The following RAB38 variants were observed in gnomAD, a reference collection of about 807,000 sequenced individuals.
RAB38 encodes the protein ras-related protein Rab-38.
Under a neutral mutation model 18.4 loss-of-function variants are expected in RAB38, and 15 were observed. The ratio of observed to expected loss-of-function variants is 0.82; its 90% CI spans 0.55 to 1.26. RAB38 has a LOEUF of 1.26. Among genes scored for constraint, RAB38 ranks in the 50% most tolerant of loss-of-function variants. The pLI is 0.00. For missense variants in RAB38, 294 were observed against 267.4 expected (o/e 1.10, Z -0.69); for synonymous variants, 101 against 104.4 (o/e 0.97, Z 0.20).
At chr11:87,849,158 C>T in the RAB38 span, among the ~76,000 whole-genome samples, 1 of 152,092 alleles carries the variant, frequency 6.6e-6, no homozygotes, top group East Asian at 1.9e-4. Context: ...GAAGTTGGTA[C>T]ATTGGTACAA....
At chr11:87,865,378 C>T in the RAB38 span, among the ~76,000 whole-genome samples, 11 of 151,592 alleles carry the variant, frequency 7.3e-5, no homozygotes, top group African/African-American at 2.2e-4. Context: ...AGGAAATAAA[C>T]AAAGGTCATA....
At chr11:88,023,377 A>G in the RAB38 span, among the ~76,000 whole-genome samples, 1 of 151,644 alleles carries the variant, frequency 6.6e-6, no homozygotes, top group Non-Finnish European at 1.5e-5. Flanking sequence ...AAAAACCTAC[A>G]AAACACTGAT....
At chr11:87,971,543 C>T in the RAB38 span, among the ~76,000 whole-genome samples, 2 of 152,050 alleles carry the variant, frequency 1.3e-5, no homozygotes, top group Non-Finnish European at 2.9e-5. Flanking sequence ...TCTCTCCTTG[C>T]CACTCCCACT....
chr11:88,052,909 T>TC, the RAB38 span, among the ~76,000 whole-genome samples: 1 of 17,362 alleles, frequency 5.8e-5, no homozygotes, highest in African/African-American at 3.1e-4. Context: ...TTCATATATA[T>TC]ATATATATAT....
chr11:87,965,847 T>C, the RAB38 span, among the ~76,000 whole-genome samples: 14,521 of 152,212 alleles, frequency 0.095, 917 homozygotes, highest in South Asian at 0.18. Flanking sequence ...ATTTGTGCAT[T>C]ATGGGTTAAG....
chr11:87,894,889 T>C, the RAB38 span, among the ~76,000 whole-genome samples: 1 of 151,470 alleles, frequency 6.6e-6, no homozygotes, highest in Non-Finnish European at 1.5e-5. Flanking sequence ...ACTACAGATA[T>C]ATTGAATTTA....
At chr11:87,929,562 GGTT>G in the RAB38 span, among the ~76,000 whole-genome samples, 1 of 137,820 alleles carries the variant, frequency 7.3e-6, no homozygotes, top group African/African-American at 2.6e-5. Context: ...TCTTTTTTTT[GGTT>G]TTTTTTTTTA....
chr11:87,880,390 A>G, the RAB38 span, among the ~76,000 whole-genome samples: 1 of 151,812 alleles, frequency 6.6e-6, no homozygotes, highest in East Asian at 2.0e-4. Flanking sequence ...AAGCCTTGAA[A>G]ACAAAAAGTT....
At chr11:87,807,942 T>C in the RAB38 span, among the ~76,000 whole-genome samples, 1 of 152,210 alleles carries the variant, frequency 6.6e-6, no homozygotes, top group Non-Finnish European at 1.5e-5. Flanking sequence ...CTGTTTTTCC[T>C]ATCTATCTAT....
At chr11:88,114,249 A>G (rs1260214683) in intron 2 of RAB38, 109 bp from the exon 3 acceptor site, 3 of 1,139,772 alleles carry the variant, frequency 2.6e-6, no homozygotes, top group Non-Finnish European at 3.8e-6. Context: ...TATATGCTAC[A>G]TATGCATCCC....
At chr11:87,930,535 A>G in the RAB38 span, among the ~76,000 whole-genome samples, 1 of 152,054 alleles carries the variant, frequency 6.6e-6, no homozygotes, top group Non-Finnish European at 1.5e-5. Context: ...CTCTGATGGT[A>G]CTTTCTTTTG....
chr11:87,941,237 A>ATATATATATATATATATATG, the RAB38 span, among the ~76,000 whole-genome samples: 150 of 123,652 alleles, frequency 1.2e-3, no homozygotes, highest in Middle Eastern at 4.3e-3. Context: ...ATATATATAT[A>ATATATATATATATATATATG]TATATATATG....
In RAB38 at chr11:88,133,025, C is replaced by A. The variant is rs77931476; in HGVS notation, c.483+16650G>T. On this transcript the variant is annotated intron_variant, in intron 2 of 2. Coordinates refer to ENST00000243662, the MANE Select transcript of RAB38 (RefSeq NM_022337.3). ...AATTAATGTAGTGAACTACTGCATACAATAGAAATATTGTGGTCTAGGAAA... is the reference window on the plus strand; with the variant it reads ...AATTAATGTAGTGAACTACTGCATAAAATAGAAATATTGTGGTCTAGGAAA... 5.9e-3 allele frequency among the ~76,000 whole-genome samples: 902 copies of A among 152,128 alleles called. 8 individuals are homozygous for A. Among genetic ancestry groups the A allele is most frequent in the African/African-American group, 0.021 (860 of 41,494 alleles).
the RAB38 span, among the ~76,000 whole-genome samples, chr11:87,923,571 G>A: frequency 6.7e-6 from 1 of 149,748 alleles, no homozygotes; most frequent in Non-Finnish European, 1.5e-5. Flanking sequence ...GTGTGTGTGT[G>A]TGTGCATGTG....
Position 88,114,080 on chromosome 11 carries a change from A to G in RAB38, c.544T>C (p.Cys182Arg), listed in dbSNP as rs753718468. ...CLVKHILANE[C>R]DLMESIEPDV... ...GGCTCAATAGACTCCATTAGGTCAC[A>G]CTCATTTGCAAGTATGTGTTTCACC... is the stretch of plus-strand genomic sequence containing the variant. The change falls in exon 3 of 3, where the codon TGT becomes CGT. Residue 182 changes from cysteine to arginine, a missense_variant. Coordinates refer to ENST00000243662, the MANE Select transcript of RAB38 (RefSeq NM_022337.3). 6 of 1,614,016 alleles carry G rather than the reference A, an allele frequency of 3.7e-6. No individual in the cohort carries two copies. The Admixed American group carries it at 5.0e-5, about 13-fold the overall frequency.
the RAB38 span, among the ~76,000 whole-genome samples, chr11:87,829,594 A>G: frequency 6.6e-6 from 1 of 152,144 alleles, no homozygotes; most frequent in East Asian, 1.9e-4. Flanking sequence ...GCATGGGGGA[A>G]AATGCTCCCA....
chr11:88,161,556 G>A (rs1476248134), intron 1 of RAB38, among the ~76,000 whole-genome samples: 2 of 151,988 alleles, frequency 1.3e-5, no homozygotes, highest in Non-Finnish European at 2.9e-5. Flanking sequence ...TGCAAAACCC[G>A]AGGCTTATTT....
At chr11:87,927,753 T>A in the RAB38 span, among the ~76,000 whole-genome samples, 1 of 151,972 alleles carries the variant, frequency 6.6e-6, no homozygotes, top group Non-Finnish European at 1.5e-5. Context: ...TGTTTTCTGA[T>A]CTGCAACATA....
chr11:88,053,003 AAT>A, the RAB38 span, among the ~76,000 whole-genome samples: 1 of 83,612 alleles, frequency 1.2e-5, no homozygotes, highest in Non-Finnish European at 2.4e-5. Context: ...GTGTATATAT[AAT>A]ATATATACAC....
Sources: gnomAD v4.1 joint callset for allele counts (sites outside exome capture counted in the v4.1 genomes callset) on GRCh38, gnomAD v4.1.1 for gene constraint, MANE v1.5 for transcripts, NCBI Gene and HGNC (gene_info 2026-07-23, HGNC 2026-07-21) for gene names.